COBL: variants seen among roughly 807,000 people sequenced by gnomAD.
COBL encodes the protein cordon-bleu WH2 repeat protein, also known as protein cordon-bleu.
In COBL, 51 loss-of-function variants were observed where a neutral mutation model predicts 98.8. The observed-to-expected ratio is 0.52, with a 90% confidence interval of 0.41 to 0.65. COBL has a LOEUF of 0.65. COBL is among the 30% of genes least tolerant of loss of function. COBL has a pLI of 0.00. For missense variants in COBL, 1,617 were observed against 1,617.5 expected (o/e 1.00, Z 0.01); for synonymous variants, 634 against 651.7 (o/e 0.97, Z 0.41).
chr7:51,062,379 C>T (rs1165257695), intron 7 of COBL, among the ~76,000 whole-genome samples: 1 of 134,876 alleles, frequency 7.4e-6, no homozygotes, highest in Admixed American at 7.2e-5. Flanking sequence ...CCTCCATAAT[C>T]CCAAGCTCTG....
rs374575031 is a variant in COBL, at chr7:51,190,835, G to C, written c.685+15C>G. The C allele has an allele frequency of 6.2e-7, 1 of 1,603,476 alleles. No individual in the cohort carries two copies. The highest frequency in any genetic ancestry group is 8.5e-7 in the Non-Finnish European group (1 of 1,171,006). Reference sequence around the variant, plus strand: ...GTGATTATGGGCAGGTGCGTGAGACGCAGCGGGGCCTCACCTCTTCTGTTG... The same window carrying C: ...GTGATTATGGGCAGGTGCGTGAGACCCAGCGGGGCCTCACCTCTTCTGTTG... On this transcript the variant is annotated intron_variant, in intron 4 of 12. Transcript: ENST00000265136.
At chr7:51,187,830 A>G (rs1789692993) in intron 4 of COBL, 6 of 1,077,712 alleles carry the variant, frequency 5.6e-6, no homozygotes, top group Non-Finnish European at 7.1e-6. Flanking sequence ...TGGCACAAAA[A>G]CATCACCTCT....
chr7:51,282,317 G>A (rs1219635697), intron 1 of COBL, among the ~76,000 whole-genome samples: 2 of 151,976 alleles, frequency 1.3e-5, no homozygotes, highest in African/African-American at 2.4e-5. Flanking sequence ...TTAACTACAT[G>A]CTATCTTCAA....
chr7:51,086,358 G>GAA (rs57609497), intron 6 of COBL, among the ~76,000 whole-genome samples: 8 of 74,796 alleles, frequency 1.1e-4, no homozygotes, highest in East Asian at 5.8e-4. Context: ...CTGTGTCTCA[G>GAA]AAAAAAAAAA....
chr7:51,190,553 C>T (rs1790006912), intron 4 of COBL, among the ~76,000 whole-genome samples: 1 of 152,172 alleles, frequency 6.6e-6, no homozygotes, highest in South Asian at 2.1e-4. Context: ...TACTTCAGAG[C>T]ATAAGCTCTA....
chr7:51,028,148 T>C lies in COBL; in HGVS notation c.2948A>G (p.Gln983Arg), dbSNP rs761052918. 5 of 1,614,138 alleles carry C rather than the reference T, an allele frequency of 3.1e-6. No individual in the cohort carries two copies. The South Asian group carries it at 3.3e-5, about 11-fold the overall frequency. ...CTGTCCCACAGAAACACGATCCCTCTGGGAAGACTGAACCAGTGAGAAACA... is the reference window on the plus strand; with the variant it reads ...CTGTCCCACAGAAACACGATCCCTCCGGGAAGACTGAACCAGTGAGAAACA... Reference protein sequence around the residue: ...SSCFSLVQSSQRDRVSVGQSC... With the variant: ...SSCFSLVQSSRRDRVSVGQSC... The change falls in exon 10 of 13, where the codon CAG (glutamine) becomes CGG (arginine). Residue 983 changes from glutamine to arginine, a missense_variant. By Grantham distance (43) the Gln-to-Arg change is conservative. Transcript: ENST00000265136.
At chr7:51,143,040 A>C (rs1476044596) in intron 5 of COBL, among the ~76,000 whole-genome samples, 2 of 152,150 alleles carry the variant, frequency 1.3e-5, no homozygotes, top group African/African-American at 4.8e-5. Flanking sequence ...AAGTAAGAGG[A>C]AGGGCATCAA....
chr7:51,221,691 G>A (rs1793653957), intron 1 of COBL, among the ~76,000 whole-genome samples: 1 of 152,146 alleles, frequency 6.6e-6, no homozygotes, highest in African/African-American at 2.4e-5. Flanking sequence ...ATGACCTTGG[G>A]TGATGGGTAG....
chr7:51,092,739 T>C (rs981962083), intron 6 of COBL, among the ~76,000 whole-genome samples: 60 of 152,326 alleles, frequency 3.9e-4, no homozygotes, highest in African/African-American at 1.4e-3. Flanking sequence ...ACCTTTGTTC[T>C]TTTTGCTCAA....
At chr7:51,271,893 GTGGCGTGTGC>G (rs1798796163) in intron 1 of COBL, among the ~76,000 whole-genome samples, 1 of 152,172 alleles carries the variant, frequency 6.6e-6, no homozygotes, top group South Asian at 2.1e-4. Flanking sequence ...TATGGGCATG[GTGGCGTGTGC>G]CTGTAATCCC....
chr7:51,122,900 A>G (rs954715478), intron 6 of COBL, among the ~76,000 whole-genome samples: 2 of 151,478 alleles, frequency 1.3e-5, no homozygotes, highest in African/African-American at 2.4e-5. Context: ...AATCGCTTGA[A>G]CCCAGGAGGA....
intron 1 of COBL, among the ~76,000 whole-genome samples, chr7:51,288,525 G>A (rs1800585836): frequency 1.3e-5 from 2 of 151,992 alleles, no homozygotes; most frequent in Admixed American, 1.3e-4. Flanking sequence ...GGCCGAGGCA[G>A]GTGGCTCACC....
intron 7 of COBL, among the ~76,000 whole-genome samples, chr7:51,070,220 T>A (rs1476011825): frequency 6.6e-6 from 1 of 152,094 alleles, no homozygotes; most frequent in Non-Finnish European, 1.5e-5. Flanking sequence ...AAACCAAAAA[T>A]ATACAGATAA....
chr7:51,295,826 T>C (rs1801374898), intron 1 of COBL, among the ~76,000 whole-genome samples: 2 of 152,216 alleles, frequency 1.3e-5, no homozygotes, highest in Non-Finnish European at 2.9e-5. Flanking sequence ...CACTTCTCCA[T>C]ACTTCTTTAC....
intron 1 of COBL, among the ~76,000 whole-genome samples, chr7:51,236,145 A>T (rs1795236886): frequency 6.6e-6 from 1 of 152,180 alleles, no homozygotes; most frequent in African/African-American, 2.4e-5. Context: ...ACGGCAACCT[A>T]GCCAGGAACG....
At chr7:51,095,039 T>C (rs1466930419) in intron 6 of COBL, among the ~76,000 whole-genome samples, 1 of 152,166 alleles carries the variant, frequency 6.6e-6, no homozygotes, top group Non-Finnish European at 1.5e-5. Context: ...AAAGTCTGTG[T>C]ATTAGTCTGT....
intron 7 of COBL, among the ~76,000 whole-genome samples, chr7:51,050,226 G>A (rs1335602292): frequency 6.6e-6 from 1 of 152,186 alleles, no homozygotes; most frequent in East Asian, 1.9e-4. Context: ...TCTCTTAAGA[G>A]TCAAGTGATG....
chr7:51,084,787 C>A (rs1254532503), intron 7 of COBL, among the ~76,000 whole-genome samples: 1 of 152,176 alleles, frequency 6.6e-6, no homozygotes, highest in Admixed American at 6.5e-5. Flanking sequence ...GGCCTAAGAT[C>A]TCTTTGAAAT....
intron 6 of COBL, among the ~76,000 whole-genome samples, chr7:51,109,152 G>A (rs1411213874): frequency 6.6e-6 from 1 of 152,164 alleles, no homozygotes; most frequent in Non-Finnish European, 1.5e-5. Flanking sequence ...CTTGCACTAT[G>A]CGAGTTTCTG....
Sources: gnomAD v4.1 joint callset for allele counts (sites outside exome capture counted in the v4.1 genomes callset) on GRCh38, gnomAD v4.1.1 for gene constraint, MANE v1.5 for transcripts, NCBI Gene and HGNC (gene_info 2026-07-23, HGNC 2026-07-21) for gene names.